XPNPEP3: variants seen among roughly 807,000 people sequenced by gnomAD.
The protein encoded by XPNPEP3 is xaa-Pro aminopeptidase 3.
XPNPEP3 carries 41 observed loss-of-function variants against 60.0 expected under a neutral mutation model. The observed-to-expected ratio is 0.68, with a 90% CI of 0.53 to 0.89. The LOEUF is 0.89. Ranked by LOEUF, XPNPEP3 falls within the 40% of genes least tolerant of loss-of-function variation. The pLI is 0.00. For synonymous variants in XPNPEP3, 212 were observed against 223.2 expected, an observed-to-expected ratio of 0.95 and a Z score of 0.45; for missense variants, 598 against 638.9, an observed-to-expected ratio of 0.94 and a Z score of 0.69.
chr22:40,874,673 A>T (rs756764743), intron 2 of XPNPEP3, among the ~76,000 whole-genome samples: 8 of 152,058 alleles, frequency 5.3e-5, no homozygotes, highest in Middle Eastern at 3.4e-3. Context: ...CAATTCTACC[A>T]CCTTGGCCCC....
In XPNPEP3 at chr22:40,875,850, TAA is replaced by T. The variant is rs768463487; in HGVS notation, c.182-5901_182-5900del. 1.5e-3 allele frequency among the ~76,000 whole-genome samples: 182 copies of T among 119,432 alleles called. No individual in the cohort carries two copies. In the Middle Eastern group the frequency reaches 0.017, roughly 11 times the overall value. The allele number at this position is 119,432 out of a possible 152,430, so 78.4% of individuals were successfully genotyped here. A position where few individuals can be genotyped will look rare whatever the true frequency, so the allele number is the denominator to read the frequency against. ...CCAACGTAGCAAACTCCACCTCTAC[TAA>T]AAAAAAAAAAAAAAAAAATTAGCCA... On this transcript the variant is annotated intron_variant, in intron 2 of 9. Transcript: ENST00000357137.
In XPNPEP3 at chr22:40,859,257, C is replaced by T. The variant is rs2057926346; in HGVS notation, c.64+2012C>T. Among the ~76,000 whole-genome samples the T allele has an allele frequency of 3.3e-5, 5 of 152,130 alleles. No individual in the cohort carries two copies. The South Asian group carries it at 8.3e-4, about 25-fold the overall frequency. On this transcript the variant is annotated intron_variant, in intron 1 of 9. Coordinates refer to ENST00000357137, the MANE Select transcript of XPNPEP3 (RefSeq NM_022098.4). ...AGTTGGGAAAAAAGCTGGTGGCTGG[C>T]TCGTGGAGGGCCTTGTATATTATGT...
chr22:40,907,530 TTGAG>T (rs2058161121), intron 4 of XPNPEP3, 53 bp from the exon 5 acceptor site: 34 of 1,548,164 alleles, frequency 2.2e-5, no homozygotes, highest in Non-Finnish European at 2.9e-5. Context: ...TTTTGAATGT[TTGAG>T]TAAGCAACAT....
At chr22:40,886,933 A>G (rs1176060771) in intron 4 of XPNPEP3, among the ~76,000 whole-genome samples, 3 of 152,122 alleles carry the variant, frequency 2.0e-5, no homozygotes, top group Non-Finnish European at 4.4e-5. Flanking sequence ...TCACCGCAGA[A>G]TGGCATCTAG....
intron 2 of XPNPEP3, among the ~76,000 whole-genome samples, chr22:40,875,789 C>T (rs571278055): frequency 5.0e-4 from 75 of 151,110 alleles, no homozygotes; most frequent in African/African-American, 1.5e-3. Flanking sequence ...CAAGGTGGGC[C>T]GATTGCTTGA....
At chr22:40,870,348 CTG>C (rs1374736314) in intron 2 of XPNPEP3, 1 of 238,296 alleles carries the variant, frequency 4.2e-6, no homozygotes, top group Non-Finnish European at 8.5e-6. Context: ...ATAATGGCCT[CTG>C]TATCTAGATT....
At chr22:40,903,860 C>T (rs1253617493) in intron 4 of XPNPEP3, among the ~76,000 whole-genome samples, 1 of 119,190 alleles carries the variant, frequency 8.4e-6, no homozygotes, top group Admixed American at 1.1e-4. Flanking sequence ...TCCCTCCCCC[C>T]ATCTCTCTCT....
At chr22:40,866,134 A>G (rs1013617987) in intron 1 of XPNPEP3, among the ~76,000 whole-genome samples, 2 of 152,136 alleles carry the variant, frequency 1.3e-5, no homozygotes, top group African/African-American at 4.8e-5. Context: ...ATCAAGAATT[A>G]TTCTTAATTC....
chr22:40,886,535 GT>G lies in XPNPEP3; in HGVS notation c.792+26del, dbSNP rs756215216. 3 of 1,611,516 alleles carry G rather than the reference GT, an allele frequency of 1.9e-6. No individual in the cohort carries two copies. The highest frequency in any genetic ancestry group is 1.1e-5 in the South Asian group (1 of 90,972). ...TCACAGGTATGATTCCTATTGAAAAGTTTTTTCCAGCCGGGCGCGGTGGCTC... is the reference window on the plus strand; with the variant it reads ...TCACAGGTATGATTCCTATTGAAAAGTTTTTCCAGCCGGGCGCGGTGGCTC... On this transcript the variant is annotated intron_variant, in intron 4 of 9. Coordinates refer to ENST00000357137, the MANE Select transcript of XPNPEP3 (RefSeq NM_022098.4).
intron 1 of XPNPEP3, chr22:40,862,873 C>A: frequency 2.7e-6 from 1 of 365,738 alleles, no homozygotes; most frequent in South Asian, 1.1e-4. Flanking sequence ...CTGGTGCTTG[C>A]ATTATAATAG....
intron 2 of XPNPEP3, among the ~76,000 whole-genome samples, chr22:40,873,435 G>T (rs1212860740): frequency 2.6e-5 from 4 of 151,788 alleles, no homozygotes; most frequent in Non-Finnish European, 5.9e-5. Flanking sequence ...GCAGCAAACA[G>T]ATTTTTAGGG....
chr22:40,861,334 A>G (rs377093992), intron 1 of XPNPEP3: 1 of 1,614,176 alleles, frequency 6.2e-7, no homozygotes, highest in Non-Finnish European at 8.5e-7. Flanking sequence ...ACAAGAAAAA[A>G]TGTCAACTCT....
intron 1 of XPNPEP3, chr22:40,862,798 A>G (rs2057958144): frequency 3.1e-6 from 3 of 979,868 alleles, no homozygotes; most frequent in Admixed American, 6.2e-5. Context: ...TTGATTGTCT[A>G]CTTTGTGCCA....
intron 7 of XPNPEP3, among the ~76,000 whole-genome samples, chr22:40,915,050 C>CTTTTTT (rs34697318): frequency 8.5e-6 from 1 of 117,878 alleles, no homozygotes; most frequent in Non-Finnish European, 1.7e-5. Context: ...CAAGTCCATT[C>CTTTTTT]TTTTTTTTTT....
chr22:40,924,536 G>GT (rs2146282294), intron 9 of XPNPEP3, 54 bp downstream of exon 9: 1 of 1,605,816 alleles, frequency 6.2e-7, no homozygotes, highest in South Asian at 1.1e-5. Flanking sequence ...TTGTTTGTTT[G>GT]TTTTTGAGAT....
intron 6 of XPNPEP3, among the ~76,000 whole-genome samples, chr22:40,913,052 A>G (rs1482115433): frequency 1.3e-5 from 2 of 152,182 alleles, no homozygotes; most frequent in African/African-American, 4.8e-5. Context: ...TTACTTAGAT[A>G]TGAATAACAT....
chr22:40,860,477 C>T, intron 1 of XPNPEP3: 1 of 420,666 alleles, frequency 2.4e-6, no homozygotes, highest in Non-Finnish European at 4.0e-6. Flanking sequence ...TGGAAAACAG[C>T]CATTTCATGA....
intron 7 of XPNPEP3, among the ~76,000 whole-genome samples, chr22:40,920,142 T>C (rs1341268616): frequency 6.6e-6 from 1 of 151,984 alleles, no homozygotes; most frequent in African/African-American, 2.4e-5. Flanking sequence ...CCAAGGTAGG[T>C]GGATCACCTG....
intron 4 of XPNPEP3, among the ~76,000 whole-genome samples, chr22:40,899,775 C>T (rs1390015350): frequency 1.7e-4 from 25 of 144,596 alleles, no homozygotes; most frequent in African/African-American, 5.4e-4. Flanking sequence ...GCGGAGATCA[C>T]GCTACTGCAC....
Sources: gnomAD v4.1 joint callset for allele counts (sites outside exome capture counted in the v4.1 genomes callset) on GRCh38, gnomAD v4.1.1 for gene constraint, MANE v1.5 for transcripts, NCBI Gene and HGNC (gene_info 2026-07-23, HGNC 2026-07-21) for gene names.